The following RSU1 variants were observed in gnomAD, a reference collection of about 807,000 sequenced individuals.
The protein encoded by RSU1 is Ras suppressor protein 1.
A neutral mutation model predicts 31.1 loss-of-function variants in RSU1; 26 were observed. The observed-to-expected ratio is 0.84, with a 90% CI of 0.61 to 1.16. The LOEUF (loss-of-function observed/expected upper bound fraction) is 1.16. Ranked by LOEUF, RSU1 falls within the 50% of genes most tolerant of loss-of-function variation. RSU1 has a pLI of 0.00. For synonymous variants in RSU1, 164 were observed against 136.3 expected (o/e 1.20, Z -1.41); for missense variants, 320 against 339.1 (o/e 0.94, Z 0.44).
In RSU1 at chr10:16,782,096, AG is replaced by A. The variant is rs777347267; in HGVS notation, c.110-13del. 3.6e-4 allele frequency: 585 copies of A among 1,606,710 alleles called. 1 individual carries two copies. The East Asian group carries it at 0.013, about 35-fold the overall frequency. ...ATGGGATAAGGTAACTAAAAAGAAAAGAAAAAAAAAAAGGTCAGTCAGTAAA... is the reference window on the plus strand; with the variant it reads ...ATGGGATAAGGTAACTAAAAAGAAAAAAAAAAAAAAAGGTCAGTCAGTAAA... On this transcript the variant is annotated splice_polypyrimidine_tract_variant and intron_variant, in intron 2 of 8. Coordinates refer to ENST00000345264, the MANE Select transcript of RSU1 (RefSeq NM_012425.4).
At chr10:16,645,938 GTATATATA>G (rs1218784163) in intron 8 of RSU1, among the ~76,000 whole-genome samples, 1 of 27,118 alleles carries the variant, frequency 3.7e-5, no homozygotes, top group African/African-American at 1.9e-4. Flanking sequence ...ACACATATGT[GTATATATA>G]TGTGTATATA....
chr10:16,603,735 CATACCTGGAGTGGATTTCTTTT>C (rs1833750676), intron 8 of RSU1, among the ~76,000 whole-genome samples: 1 of 152,182 alleles, frequency 6.6e-6, no homozygotes, highest in Non-Finnish European at 1.5e-5. Context: ...TGATAGACTT[CATACCTGGAGTGGATTTCTTTT>C]ATTTATGAAA....
intron 1 of RSU1, 80 bp downstream of exon 1, chr10:16,817,235 G>T: frequency 1.7e-6 from 1 of 583,366 alleles, no homozygotes; most frequent in Admixed American, 3.0e-5. Flanking sequence ...GTGCGGGGAG[G>T]GGATGGAGTG....
chr10:16,656,960 A>T (rs941961976), intron 8 of RSU1, among the ~76,000 whole-genome samples: 1 of 152,252 alleles, frequency 6.6e-6, no homozygotes, highest in African/African-American at 2.4e-5. Context: ...AACCGTCCAC[A>T]CAAGGAAAAC....
At chr10:16,792,760 G>T (rs1837952374) in intron 2 of RSU1, among the ~76,000 whole-genome samples, 2 of 152,216 alleles carry the variant, frequency 1.3e-5, no homozygotes, top group African/African-American at 4.8e-5. Flanking sequence ...GAATTAACTG[G>T]ATCTTAACAT....
At chr10:16,608,742 T>A (rs984435606) in intron 8 of RSU1, among the ~76,000 whole-genome samples, 1 of 151,592 alleles carries the variant, frequency 6.6e-6, no homozygotes, top group Admixed American at 6.6e-5. Context: ...CATTTTTGAG[T>A]TTTTTGGAAA....
chr10:16,705,728 G>C (rs1289392729), intron 7 of RSU1, among the ~76,000 whole-genome samples: 5 of 152,176 alleles, frequency 3.3e-5, no homozygotes, highest in African/African-American at 1.2e-4. Context: ...GACCTCAAAT[G>C]ATCAGCCCAC....
chr10:16,750,568 G>C (rs529559385), intron 7 of RSU1, among the ~76,000 whole-genome samples: 1 of 152,266 alleles, frequency 6.6e-6, no homozygotes, highest in East Asian at 1.9e-4. Flanking sequence ...GCAAATTACT[G>C]TCTGATAAAA....
intron 8 of RSU1, among the ~76,000 whole-genome samples, chr10:16,674,361 G>T (rs1381441133): frequency 1.3e-5 from 2 of 151,556 alleles, no homozygotes; most frequent in African/African-American, 4.9e-5. Flanking sequence ...CAAGGAAAAG[G>T]GAAACACTGA....
At chr10:16,596,701 A>G (rs1367440059) in intron 8 of RSU1, among the ~76,000 whole-genome samples, 2 of 152,146 alleles carry the variant, frequency 1.3e-5, no homozygotes, top group African/African-American at 4.8e-5. Flanking sequence ...TTTTATTCAA[A>G]GATAGTTTCA....
intron 4 of RSU1, among the ~76,000 whole-genome samples, chr10:16,756,038 A>G (rs1394219990): frequency 6.6e-6 from 1 of 152,208 alleles, no homozygotes; most frequent in Non-Finnish European, 1.5e-5. Flanking sequence ...ATCTCAAAAT[A>G]TACACATGAA....
At chr10:16,810,205 T>G (rs1838380521) in intron 2 of RSU1, among the ~76,000 whole-genome samples, 1 of 152,044 alleles carries the variant, frequency 6.6e-6, no homozygotes, top group Admixed American at 6.6e-5. Context: ...CACTCCAGCC[T>G]GGGCAACAGA....
intron 2 of RSU1, among the ~76,000 whole-genome samples, chr10:16,811,683 A>G (rs1169608330): frequency 6.6e-6 from 1 of 152,194 alleles, no homozygotes; most frequent in African/African-American, 2.4e-5. Flanking sequence ...ACCCTATCAT[A>G]CAATCAAAAA....
intron 2 of RSU1, among the ~76,000 whole-genome samples, chr10:16,787,812 C>A (rs1291220754): frequency 6.6e-6 from 1 of 152,238 alleles, no homozygotes; most frequent in Non-Finnish European, 1.5e-5. Context: ...ATAAATTACA[C>A]AGTCTTGGTA....
intron 2 of RSU1, among the ~76,000 whole-genome samples, chr10:16,801,755 C>G (rs1838159847): frequency 2.0e-5 from 3 of 152,044 alleles, no homozygotes; most frequent in South Asian, 4.1e-4. Flanking sequence ...CCCAAAACAT[C>G]TGGACATTAA....
intron 8 of RSU1, among the ~76,000 whole-genome samples, chr10:16,679,717 G>A (rs757482129): frequency 6.6e-6 from 1 of 152,058 alleles, no homozygotes. Flanking sequence ...ATTCCCAGCA[G>A]CTCTGTCTGA....
At chr10:16,798,708 T>C (rs1838089982) in intron 2 of RSU1, among the ~76,000 whole-genome samples, 1 of 152,174 alleles carries the variant, frequency 6.6e-6, no homozygotes, top group African/African-American at 2.4e-5. Context: ...ATTTTCAAAC[T>C]TTAAAGAGCA....
At chr10:16,746,213 G>GT (rs1224884761) in intron 7 of RSU1, among the ~76,000 whole-genome samples, 1 of 152,156 alleles carries the variant, frequency 6.6e-6, no homozygotes, top group East Asian at 1.9e-4. Context: ...GCTTCTCATA[G>GT]TTACTGTAGT....
chr10:16,660,238 AC>A (rs1484893957), intron 8 of RSU1, among the ~76,000 whole-genome samples: 2 of 152,198 alleles, frequency 1.3e-5, no homozygotes, highest in African/African-American at 4.8e-5. Context: ...TTTGGGCATG[AC>A]CCAAACTCAC....
Sources: gnomAD v4.1 joint callset for allele counts (sites outside exome capture counted in the v4.1 genomes callset) on GRCh38, gnomAD v4.1.1 for gene constraint, MANE v1.5 for transcripts, NCBI Gene and HGNC (gene_info 2026-07-23, HGNC 2026-07-21) for gene names.